SHANK2: variants seen among roughly 807,000 people sequenced by gnomAD.
The protein encoded by SHANK2 is SH3 and multiple ankyrin repeat domains protein 2.
A neutral mutation model predicts 133.7 loss-of-function variants in SHANK2; 43 were observed. The ratio of observed to expected loss-of-function variants is 0.32; its 90% CI spans 0.25 to 0.41. SHANK2 has a LOEUF of 0.41. SHANK2 is among the 10% of genes least tolerant of loss of function. SHANK2 has a pLI of 1.00. For missense variants in SHANK2, 1,994 were observed against 2,235.8 expected, an observed-to-expected ratio of 0.89 and a Z score of 2.18; for synonymous variants, 1,017 against 952.8, an observed-to-expected ratio of 1.07 and a Z score of -1.24.
At chr11:70,741,402 G>A (rs868924289) in intron 14 of SHANK2, among the ~76,000 whole-genome samples, 1 of 151,670 alleles carries the variant, frequency 6.6e-6, no homozygotes, top group Non-Finnish European at 1.5e-5. Context: ...ACATTCATTC[G>A]CTGTTCACTG....
At chr11:71,108,784 C>T (rs1282552673) in intron 6 of SHANK2, among the ~76,000 whole-genome samples, 1 of 152,238 alleles carries the variant, frequency 6.6e-6, no homozygotes, top group African/African-American at 2.4e-5. Flanking sequence ...CCCAACGTCA[C>T]AGGCATCAAA....
At chr11:70,950,546 T>C (rs1030558673) in intron 10 of SHANK2, among the ~76,000 whole-genome samples, 1 of 152,182 alleles carries the variant, frequency 6.6e-6, no homozygotes, top group Non-Finnish European at 1.5e-5. Flanking sequence ...TCTACCCTCA[T>C]GATGTAATCA....
At chr11:71,147,502 A>G (rs1477452467) in intron 2 of SHANK2, among the ~76,000 whole-genome samples, 164 bp from the exon 3 acceptor site, 2 of 152,190 alleles carry the variant, frequency 1.3e-5, no homozygotes, top group Non-Finnish European at 2.9e-5. Flanking sequence ...CACAATGTAC[A>G]GATCCCAGAG....
intron 17 of SHANK2, among the ~76,000 whole-genome samples, chr11:70,537,718 T>C (rs1591550821): frequency 6.6e-6 from 1 of 152,250 alleles, no homozygotes; most frequent in Middle Eastern, 3.4e-3. Context: ...CCCAACAAAG[T>C]GAAGAAATAG....
chr11:70,785,540 C>T (rs1013973819), intron 14 of SHANK2, among the ~76,000 whole-genome samples: 1 of 152,224 alleles, frequency 6.6e-6, no homozygotes, highest in Non-Finnish European at 1.5e-5. Flanking sequence ...GGCAGCCTGC[C>T]GGTTGCAGGG....
At chr11:71,107,456 T>G (rs961205064) in intron 6 of SHANK2, among the ~76,000 whole-genome samples, 2 of 152,158 alleles carry the variant, frequency 1.3e-5, no homozygotes, top group Admixed American at 1.3e-4. Flanking sequence ...TTGTGATCAG[T>G]AAACCAGCCC....
chr11:70,615,337 T>C (rs1455563451), intron 17 of SHANK2, among the ~76,000 whole-genome samples: 1 of 152,114 alleles, frequency 6.6e-6, no homozygotes, highest in African/African-American at 2.4e-5. Context: ...CTCCCCTCTC[T>C]TTTGCTTTCA....
At chr11:70,584,021 CCGCGAGCA>C (rs2060217082) in intron 17 of SHANK2, among the ~76,000 whole-genome samples, 1 of 152,198 alleles carries the variant, frequency 6.6e-6, no homozygotes. Flanking sequence ...TCTGCAGCCA[CCGCGAGCA>C]TGCTCCTCAA....
intron 17 of SHANK2, among the ~76,000 whole-genome samples, chr11:70,642,236 G>A (rs2061193286): frequency 6.6e-6 from 1 of 151,874 alleles, no homozygotes; most frequent in Non-Finnish European, 1.5e-5. Context: ...CCTAGCTACT[G>A]GCAATTAGGC....
At chr11:70,512,713 C>T (rs1483606285) in intron 17 of SHANK2, among the ~76,000 whole-genome samples, 1 of 152,210 alleles carries the variant, frequency 6.6e-6, no homozygotes, top group Non-Finnish European at 1.5e-5. Context: ...TAGCAGCTGT[C>T]CCCATTACTC....
chr11:70,684,711 A>G (rs1945108657), intron 15 of SHANK2, among the ~76,000 whole-genome samples: 1 of 151,922 alleles, frequency 6.6e-6, no homozygotes, highest in African/African-American at 2.4e-5. Flanking sequence ...TCCGTCACTC[A>G]GTGTGACTCA....
chr11:70,770,891 C>T (rs2921321), intron 14 of SHANK2, among the ~76,000 whole-genome samples: 1 of 143,436 alleles, frequency 7.0e-6, no homozygotes, highest in Non-Finnish European at 1.5e-5. Flanking sequence ...ATCCCTCCTT[C>T]TCTCCTTCCC....
chr11:70,486,621 G>A lies in SHANK2; in HGVS notation c.3672C>T (p.Asp1224=), dbSNP rs782205512. 3.1e-6 allele frequency: 5 copies of A among 1,613,288 alleles called. No individual in the cohort carries two copies. In the African/African-American group the frequency reaches 5.3e-5, roughly 17 times the overall value. The change falls in exon 25 of 26, where the codon GAC becomes GAT. Residue 1224 remains aspartate, a synonymous_variant. Transcript: ENST00000601538. The surrounding 1 kb of genome is among the most constrained non-coding windows in gnomAD (Gnocchi z 8.0). The part of the protein sequence containing the change: ...SPLALALSAR[D]RAMKESQQGP... ...CCTGTTGAGACTCCTTCATGGCTCG[G>A]TCCCTTGCGGAGAGTGCCAGGGCCA...
At chr11:70,781,558 T>TTATATATGTATATATATATATATA (rs1947492138) in intron 14 of SHANK2, among the ~76,000 whole-genome samples, 3 of 28,970 alleles carry the variant, frequency 1.0e-4, no homozygotes, top group Non-Finnish European at 2.0e-4. Context: ...TACTTACTTA[T>TTATATATGTATATATATATATATA]TATATATATA....
At chr11:71,234,166 T>C (rs1222989817) in intron 1 of SHANK2, among the ~76,000 whole-genome samples, 2 of 100,792 alleles carry the variant, frequency 2.0e-5, no homozygotes, top group Non-Finnish European at 3.6e-5. Flanking sequence ...GCCAACATAG[T>C]GAAACTCCCT....
chr11:70,535,879 G>T lies in SHANK2; in HGVS notation c.2062-32948C>A, dbSNP rs773181502. On this transcript the variant is annotated intron_variant, in intron 17 of 25. Transcript: ENST00000601538. This position sits in a 1 kb window ranked among gnomAD's most constrained non-coding sequence, Gnocchi z 4.3. ...AAGGTGTCAGGGCCTGGTAAGCTGT[G>T]GGGGAAGCAGTGACTGGCCGGAGAC... is the stretch of plus-strand genomic sequence containing the variant. 1.5e-4 allele frequency among the ~76,000 whole-genome samples: 23 copies of T among 152,344 alleles called. No homozygotes were observed. The Middle Eastern group carries it at 0.01, about 68-fold the overall frequency.
rs1953713776 is a variant in SHANK2, at chr11:71,188,135, G to C, written c.-13+36562C>G. On this transcript the variant is annotated intron_variant, in intron 2 of 25. Coordinates refer to ENST00000601538, the MANE Select transcript of SHANK2 (RefSeq NM_012309.5). The surrounding 1 kb of genome is among the most constrained non-coding windows in gnomAD (Gnocchi z 4.6). ...TAGAAACTGAGACATCACCGGAGAC[G>C]TTTCCCTCTGCCTCTGCCCCGTTTT... 1.3e-5 allele frequency among the ~76,000 whole-genome samples: 2 copies of C among 152,126 alleles called. No individual in the cohort carries two copies. The highest frequency in any genetic ancestry group is 1.3e-4 in the Admixed American group (2 of 15,272).
At chr11:70,571,823 G>C (rs531013523) in intron 17 of SHANK2, among the ~76,000 whole-genome samples, 1 of 152,056 alleles carries the variant, frequency 6.6e-6, no homozygotes, top group Non-Finnish European at 1.5e-5. Flanking sequence ...GAGTGGAGAC[G>C]AGGGGAGAGG....
intron 4 of SHANK2, among the ~76,000 whole-genome samples, chr11:71,117,758 G>A (rs782532828): frequency 7.2e-5 from 11 of 152,200 alleles, no homozygotes; most frequent in Non-Finnish European, 1.0e-4. Flanking sequence ...GGGCCCTCCC[G>A]ACGTCGCCTA....
Sources: allele counts gnomAD v4.1 joint callset (sites outside exome capture counted in the v4.1 genomes callset), GRCh38; gene constraint gnomAD v4.1.1; non-coding constraint Gnocchi (gnomAD v3.1); transcripts MANE v1.5; gene names NCBI Gene and HGNC (gene_info 2026-07-23, HGNC 2026-07-21).